FERMT1: variants seen among roughly 807,000 people sequenced by gnomAD.
The protein encoded by FERMT1 is FERM domain containing kindlin 1.
In FERMT1, 60 loss-of-function variants were observed where a neutral mutation model predicts 85.3. The ratio of observed to expected loss-of-function variants is 0.70; its 90% confidence interval spans 0.57 to 0.87. FERMT1 has a LOEUF of 0.87. Among genes scored for constraint, FERMT1 ranks in the 40% least tolerant of loss-of-function variants. The pLI is 0.00. For synonymous variants in FERMT1, 275 were observed against 301.1 expected, an observed-to-expected ratio of 0.91 and a Z score of 0.90; for missense variants, 701 against 818.9, an observed-to-expected ratio of 0.86 and a Z score of 1.76.
intron 1 of FERMT1, among the ~76,000 whole-genome samples, chr20:6,121,409 C>T (rs541698759): frequency 6.6e-6 from 1 of 152,298 alleles, no homozygotes; most frequent in East Asian, 1.9e-4. Flanking sequence ...CGTGGGCCAC[C>T]ACGCCCAGCC....
intron 11 of FERMT1, 86 bp from the exon 12 acceptor site, chr20:6,085,373 T>A (rs1012808136): frequency 8.3e-7 from 1 of 1,204,874 alleles, no homozygotes; most frequent in African/African-American, 1.5e-5. Flanking sequence ...TCTACCCCAT[T>A]ACAGTGCAAA....
chr20:6,096,543 C>T (rs1190220295), intron 8 of FERMT1, among the ~76,000 whole-genome samples: 1 of 152,162 alleles, frequency 6.6e-6, no homozygotes, highest in Non-Finnish European at 1.5e-5. Flanking sequence ...ATTCTCACAG[C>T]TGCTCCATGT....
chr20:6,099,978 T>A (rs1982617180), intron 6 of FERMT1, among the ~76,000 whole-genome samples: 1 of 146,770 alleles, frequency 6.8e-6, no homozygotes, highest in African/African-American at 2.6e-5. Flanking sequence ...AGAGAGAGAC[T>A]ATCTCAGAAA....
chr20:6,076,052 G>C lies in FERMT1; in HGVS notation c.*1121C>G, dbSNP rs1388242240. ...GGAGAAAAAAGTCTATTATTGGCTT[G>C]TGATTTACAAAAGCCAAAGTCCTTT... is the stretch of plus-strand genomic sequence containing the variant. On this transcript the variant is annotated 3_prime_UTR_variant, in exon 15 of 15. Coordinates refer to ENST00000217289, the MANE Select transcript of FERMT1 (RefSeq NM_017671.5). The C allele has an allele frequency of 6.4e-6, 1 of 156,936 alleles. No individual in the cohort carries two copies. Among genetic ancestry groups the C allele is most frequent in the African/African-American group, 2.4e-5 (1 of 41,540 alleles). The allele number at this position is 156,936 out of a possible 1,614,324, so 9.7% of individuals were successfully genotyped here.
At chr20:6,086,947 C>T (rs1982203772) in intron 11 of FERMT1, among the ~76,000 whole-genome samples, 1 of 152,120 alleles carries the variant, frequency 6.6e-6, no homozygotes, top group Admixed American at 6.5e-5. Flanking sequence ...CACTGCCATC[C>T]ACAACCTTCG....
At chr20:6,081,302 A>T (rs1287260284) in intron 13 of FERMT1, among the ~76,000 whole-genome samples, 2 of 151,532 alleles carry the variant, frequency 1.3e-5, no homozygotes, top group Non-Finnish European at 2.9e-5. Context: ...AGGACTGTGC[A>T]CTCTGGTATT....
intron 6 of FERMT1, among the ~76,000 whole-genome samples, chr20:6,101,677 G>A (rs1982661709): frequency 6.6e-6 from 1 of 152,074 alleles, no homozygotes; most frequent in Non-Finnish European, 1.5e-5. Context: ...TTTTGAGATG[G>A]ACTCTTGCTC....
chr20:6,078,544 T>A (rs759932410), intron 14 of FERMT1, among the ~76,000 whole-genome samples: 8 of 152,080 alleles, frequency 5.3e-5, no homozygotes, highest in Non-Finnish European at 1.0e-4. Context: ...GCACAGTCAC[T>A]GCTCACTGTA....
At position 6,110,461 on chromosome 20, in the gene FERMT1, T is replaced by C; in HGVS notation, c.583A>G (p.Asn195Asp). 2.5e-6 allele frequency: 4 copies of C among 1,614,150 alleles called. No individual in the cohort carries two copies. The highest frequency in any genetic ancestry group is 3.4e-6 in the Non-Finnish European group (4 of 1,180,026). The change falls in exon 5 of 15, where the codon AAT (asparagine) becomes GAT (aspartate). Residue 195 changes from asparagine (N) to aspartate (D), a missense_variant. Coordinates refer to ENST00000217289, the MANE Select transcript of FERMT1 (RefSeq NM_017671.5). ...KTMTPIYDPI[N>D]GTPASSTMTW... is the part of the protein sequence containing the mutation. Reference sequence around the variant, plus strand: ...ATGGTGGATGATGCTGGTGTTCCATTGATGGGGTCATATATAGGGGTCATG... The same window carrying C: ...ATGGTGGATGATGCTGGTGTTCCATCGATGGGGTCATATATAGGGGTCATG...
intron 13 of FERMT1, among the ~76,000 whole-genome samples, chr20:6,080,734 C>G (rs1295771072): frequency 2.0e-5 from 3 of 152,136 alleles, no homozygotes; most frequent in African/African-American, 4.8e-5. Context: ...GCCTGAACAT[C>G]TAGGGCGAGG....
Position 6,076,335 on chromosome 20 carries a change from T to C in FERMT1, c.*838A>G, listed in dbSNP as rs1981819616. On this transcript the variant is annotated 3_prime_UTR_variant, in exon 15 of 15. Coordinates refer to ENST00000217289, the MANE Select transcript of FERMT1 (RefSeq NM_017671.5). ...CTATGAACAGAGAGGACTGTGCCTG[T>C]CTTCCTGAATCCCAACCCAGAGTAG... is the stretch of plus-strand genomic sequence containing the variant. The C allele has an allele frequency of 2.3e-6, 1 of 439,544 alleles. No homozygotes were observed. The highest frequency in any genetic ancestry group is 4.6e-6 in the Non-Finnish European group (1 of 219,360). 27.2% of individuals were successfully genotyped at this position (439,544 alleles called of 1,614,324 possible). A position where few individuals can be genotyped will look rare whatever the true frequency, so the allele number is the denominator to read the frequency against.
chr20:6,093,105 A>G (rs1982410589), intron 9 of FERMT1, among the ~76,000 whole-genome samples: 1 of 152,146 alleles, frequency 6.6e-6, no homozygotes, highest in South Asian at 2.1e-4. Context: ...TGTAATAGAA[A>G]GAACTTAAAA....
intron 11 of FERMT1, among the ~76,000 whole-genome samples, chr20:6,087,393 C>A (rs62200472): frequency 0.1 from 15,719 of 152,244 alleles, 841 homozygotes; most frequent in African/African-American, 0.12. Flanking sequence ...TCACTGCAAA[C>A]TCTGCATCCT....
At chr20:6,082,266 A>G (rs6053889) in intron 13 of FERMT1, among the ~76,000 whole-genome samples, 66,210 of 152,004 alleles carry the variant, frequency 0.44, 14,699 homozygotes, top group East Asian at 0.62. Flanking sequence ...CGTATCAGGC[A>G]CTTTGCTTGC....
intron 13 of FERMT1, among the ~76,000 whole-genome samples, chr20:6,083,657 C>T (rs1186163601): frequency 3.7e-5 from 4 of 108,740 alleles, no homozygotes; most frequent in Middle Eastern, 4.3e-3. Context: ...AATGAGACAC[C>T]CCCCCCCCCG....
In FERMT1 at chr20:6,079,443, G is replaced by A. The variant is rs749937996; in HGVS notation, c.1853C>T (p.Thr618Ile). 8.1e-6 allele frequency: 13 copies of A among 1,613,990 alleles called. No homozygotes were observed. The Admixed American group carries it at 1.2e-4, about 14-fold the overall frequency. Residue 618 changes from threonine (T) to isoleucine (I), a missense_variant, in exon 14 of 15, where the codon ACC becomes ATC. Transcript: ENST00000217289. ...CAAAAACTTTCACTTTACCTGCCGG[G>A]TTTCCCAGTTTACATTCCACTGTTT... is the stretch of plus-strand genomic sequence containing the variant. ...NIKQWNVNWE[T>I]RQVVIEFDQN... is the part of the protein sequence containing the mutation.
intron 6 of FERMT1, among the ~76,000 whole-genome samples, chr20:6,106,219 C>T (rs566693933): frequency 5.6e-4 from 85 of 152,248 alleles, no homozygotes; most frequent in African/African-American, 2.0e-3. Flanking sequence ...GCATTCCAGA[C>T]ACAAGCTTGG....
intron 9 of FERMT1, among the ~76,000 whole-genome samples, chr20:6,091,187 A>G (rs183951734): frequency 1.8e-4 from 28 of 151,540 alleles, no homozygotes; most frequent in African/African-American, 6.0e-4. Flanking sequence ...AAACCAAAAA[A>G]TTGGTATTTA....
chr20:6,116,849 T>C lies in FERMT1; in HGVS notation c.152-805A>G, dbSNP rs551296414. Reference sequence around the variant, plus strand: ...AATGCTAAAGTTCTGTTCGCTAAAATCTCTGTGCCATGGCCCTTTCTGAGA... The same window carrying C: ...AATGCTAAAGTTCTGTTCGCTAAAACCTCTGTGCCATGGCCCTTTCTGAGA... On this transcript the variant is annotated intron_variant, in intron 2 of 14. Coordinates refer to ENST00000217289, the MANE Select transcript of FERMT1 (RefSeq NM_017671.5). Among the ~76,000 whole-genome samples the C allele has an allele frequency of 5.9e-5, 9 of 152,282 alleles. No homozygotes were observed. The South Asian group carries it at 1.9e-3, about 32-fold the overall frequency.
Sources: gnomAD v4.1 joint callset for allele counts (sites outside exome capture counted in the v4.1 genomes callset) on GRCh38, gnomAD v4.1.1 for gene constraint, MANE v1.5 for transcripts, NCBI Gene and HGNC (gene_info 2026-07-23, HGNC 2026-07-21) for gene names.